Variants in LRRC53 observed in about 807,000 individuals in gnomAD.
LRRC53 encodes the protein leucine-rich repeat-containing protein 53.
LRRC53 carries 25 observed loss-of-function variants against 13.6 expected under a neutral mutation model. That is an observed-to-expected ratio of 1.83 (90% CI 1.34 to 2.56). The LOEUF is 2.56. LRRC53 is among the 30% of genes most tolerant of loss of function. LRRC53 has a pLI of 0.00. For synonymous variants in LRRC53, 204 were observed against 109.8 expected (o/e 1.86, Z -5.37); for missense variants, 527 against 275.8 (o/e 1.91, Z -6.45).
chr1:74,492,669 A>G (rs1669139448), intron 1 of LRRC53, among the ~76,000 whole-genome samples: 1 of 152,216 alleles, frequency 6.6e-6, no homozygotes, highest in Non-Finnish European at 1.5e-5. Flanking sequence ...CATTCCTAGG[A>G]ATATACCCTA....
Position 74,480,983 on chromosome 1 carries a change from G to A in LRRC53, c.89-15C>T, listed in dbSNP as rs1008182284. ...CATAGGGGCTGCTGTGGGGAAAAAA[G>A]CACAGACTAGATGCAGGGTACACAT... On this transcript the variant is annotated splice_polypyrimidine_tract_variant and intron_variant, in intron 2 of 4. Coordinates refer to ENST00000294635, the MANE Select transcript of LRRC53 (RefSeq NM_001382280.1). 4.4e-5 allele frequency: 31 copies of A among 697,542 alleles called. No homozygotes were observed. Among genetic ancestry groups the A allele is most frequent in the African/African-American group, 2.5e-4 (14 of 56,990 alleles). 43.2% of individuals were successfully genotyped at this position (697,542 alleles called of 1,614,324 possible). A position where few individuals can be genotyped will look rare whatever the true frequency, so the allele number is the denominator to read the frequency against.
intron 1 of LRRC53, among the ~76,000 whole-genome samples, chr1:74,509,090 T>A (rs942546385): frequency 1.1e-4 from 17 of 152,236 alleles, no homozygotes; most frequent in African/African-American, 4.1e-4. Context: ...ACTTTCTTCT[T>A]CTTTTTATCA....
intron 1 of LRRC53, 134 bp from the exon 2 acceptor site, chr1:74,483,509 C>A: frequency 1.9e-6 from 1 of 515,088 alleles, no homozygotes; most frequent in South Asian, 3.0e-5. Context: ...CTTAAGATGC[C>A]AGGTAAATAA....
Position 74,478,264 on chromosome 1 carries a change from A to C in LRRC53, c.904+1889T>G, listed in dbSNP as rs138642296. Among the ~76,000 whole-genome samples the C allele has an allele frequency of 2.2e-4, 34 of 152,314 alleles. 1 individual carries two copies. In the East Asian group the frequency reaches 6.6e-3, roughly 29 times the overall value. On this transcript the variant is annotated intron_variant, in intron 3 of 4. Coordinates refer to ENST00000294635, the MANE Select transcript of LRRC53 (RefSeq NM_001382280.1). ...ACTACAATTTAACAATTATTTGATG[A>C]AAGATATATTAGTATGATAATTCAC...
the LRRC53 span, among the ~76,000 whole-genome samples, chr1:74,533,733 T>C: frequency 1.3e-5 from 2 of 151,824 alleles, no homozygotes; most frequent in Admixed American, 1.3e-4. Flanking sequence ...TATGCAGCCA[T>C]AAAAAATGAT....
At chr1:74,514,251 A>G (rs1033312073), upstream of LRRC53, among the ~76,000 whole-genome samples, 1 of 152,224 alleles carries the variant, frequency 6.6e-6, no homozygotes, top group African/African-American at 2.4e-5. Flanking sequence ...CCAAAATGCT[A>G]GGAGCAATTG....
At chr1:74,515,115 AC>A (rs1445458867), upstream of LRRC53, among the ~76,000 whole-genome samples, 1 of 152,064 alleles carries the variant, frequency 6.6e-6, no homozygotes, top group Non-Finnish European at 1.5e-5. Flanking sequence ...AACCTTGCCA[AC>A]ACCTTGACTC....
At chr1:74,490,643 A>C (rs766118176) in intron 1 of LRRC53, among the ~76,000 whole-genome samples, 11 of 152,202 alleles carry the variant, frequency 7.2e-5, no homozygotes, top group African/African-American at 9.7e-5. Context: ...AGTCAGCCTA[A>C]AGAGGCTTGA....
At position 74,480,246 on chromosome 1, in the gene LRRC53, A is replaced by C. The variant is rs1668415386; in HGVS notation, c.811T>G (p.Ser271Ala). 1.4e-6 allele frequency: 1 copy of C among 717,394 alleles called. No homozygotes were observed. The highest frequency in any genetic ancestry group is 1.7e-5 in the African/African-American group (1 of 57,270). 44.4% of individuals were successfully genotyped at this position (717,394 alleles called of 1,614,324 possible). Residue 271 changes from serine (S) to alanine (A), a missense_variant, in exon 3 of 5, where the codon TCC becomes GCC. Ser to Ala is a moderately conservative substitution (Grantham distance 99, BLOSUM62 1). Transcript: ENST00000294635. ...VLRLSETNCD[S>A]KAPNFTLVLK... ...ACCAGAGTGAAGTTGGGAGCTTTGG[A>C]ATCACAGTTGGTCTCAGACAGCCTC...
chr1:74,536,859 A>G, the LRRC53 span, among the ~76,000 whole-genome samples: 1 of 152,104 alleles, frequency 6.6e-6, no homozygotes, highest in Non-Finnish European at 1.5e-5. Flanking sequence ...GCATCACTGT[A>G]TTTTCACTGA....
chr1:74,483,756 A>G (rs1210518087), intron 1 of LRRC53, among the ~76,000 whole-genome samples: 17 of 152,214 alleles, frequency 1.1e-4, no homozygotes, highest in Admixed American at 1.0e-3. Context: ...ACCATCCTAA[A>G]TCACATAGCG....
chr1:74,484,212 T>TA (rs36109808), intron 1 of LRRC53, among the ~76,000 whole-genome samples: 76,609 of 144,534 alleles, frequency 0.53, 20,180 homozygotes, highest in East Asian at 0.67. Flanking sequence ...CCTGGTTGAT[T>TA]AAAAAAAAAA....
At chr1:74,473,864 A>T (rs972211746) in intron 4 of LRRC53, among the ~76,000 whole-genome samples, 2 of 152,104 alleles carry the variant, frequency 1.3e-5, no homozygotes, top group South Asian at 4.1e-4. Context: ...AACATTAAGA[A>T]CTATTAGTCT....
the LRRC53 span, among the ~76,000 whole-genome samples, chr1:74,534,636 T>G: frequency 2.0e-5 from 3 of 152,214 alleles, no homozygotes; most frequent in Non-Finnish European, 4.4e-5. Flanking sequence ...TTCTTGGGAC[T>G]TGCTTAACAA....
chr1:74,508,374 A>G (rs1422994172), intron 1 of LRRC53, among the ~76,000 whole-genome samples: 1 of 152,222 alleles, frequency 6.6e-6, no homozygotes. Context: ...GTGTTATCTC[A>G]TTTAATCTTC....
In LRRC53 at chr1:74,472,161, G is replaced by A. The variant is rs758205825; in HGVS notation, c.1461C>T (p.Pro487=). The change falls in exon 5 of 5, where the codon CCC becomes CCT. Residue 487 remains proline, a synonymous_variant. Transcript: ENST00000294635. ...SDIFRRRYAT[P]ASALAGESLE... is the part of the protein sequence containing the mutation. ...GACTTTCTCCTGCCAAGGCTGAAGC[G>A]GGTGTTGCATATCTTCTTCTAAATA... 51 of 716,872 alleles carry A rather than the reference G, an allele frequency of 7.1e-5. No individual in the cohort carries two copies. The highest frequency in any genetic ancestry group is 2.3e-4 in the Middle Eastern group (1 of 4,396). 44.4% of individuals were successfully genotyped at this position (716,872 alleles called of 1,614,324 possible). A position where few individuals can be genotyped will look rare whatever the true frequency, so the allele number is the denominator to read the frequency against.
In LRRC53 at chr1:74,472,073, G is replaced by A. The variant is rs796488051; in HGVS notation, c.1549C>T (p.His517Tyr). The A allele has an allele frequency of 4.2e-6, 3 of 716,876 alleles. No homozygotes were observed. Among genetic ancestry groups the A allele is most frequent in the African/African-American group, 3.5e-5 (2 of 57,136 alleles). The allele number at this position is 716,876 out of a possible 1,614,324, so 44.4% of individuals were successfully genotyped here. A position where few individuals can be genotyped will look rare whatever the true frequency, so the allele number is the denominator to read the frequency against. The change falls in exon 5 of 5, where the codon CAC becomes TAC. Residue 517 changes from histidine (H) to tyrosine (Y), a missense_variant. Coordinates refer to ENST00000294635, the MANE Select transcript of LRRC53 (RefSeq NM_001382280.1). Reference protein sequence around the residue: ...PPIEKEDNGLHPHRQRHFITS... With the variant: ...PPIEKEDNGLYPHRQRHFITS... ...ATAAAATGTCTTTGCCTATGAGGGT[G>A]TAAGCCATTGTCTTCTTTTTCTATT... is the stretch of plus-strand genomic sequence containing the variant.
At chr1:74,533,069 T>A in the LRRC53 span, among the ~76,000 whole-genome samples, 1 of 151,946 alleles carries the variant, frequency 6.6e-6, no homozygotes, top group African/African-American at 2.4e-5. Flanking sequence ...ACAAATGGGA[T>A]CTAATTAAAC....
Position 74,475,824 on chromosome 1 carries a change from A to G in LRRC53, c.905-14T>C. 1 of 576,750 alleles carries G rather than the reference A, an allele frequency of 1.7e-6. No individual in the cohort carries two copies. The highest frequency in any genetic ancestry group is 3.1e-5 in the Admixed American group (1 of 31,832). 35.7% of individuals were successfully genotyped at this position (576,750 alleles called of 1,614,324 possible). ...GACCAACAGCTCCTATGACAAATAGAGAGACCATTAAAAGATAACATCTTG... is the reference window on the plus strand; with the variant it reads ...GACCAACAGCTCCTATGACAAATAGGGAGACCATTAAAAGATAACATCTTG... On this transcript the variant is annotated splice_polypyrimidine_tract_variant and intron_variant, in intron 3 of 4. Transcript: ENST00000294635.
Sources: gnomAD v4.1 joint callset for allele counts (sites outside exome capture counted in the v4.1 genomes callset) on GRCh38, gnomAD v4.1.1 for gene constraint, MANE v1.5 for transcripts, NCBI Gene and HGNC (gene_info 2026-07-23, HGNC 2026-07-21) for gene names.